The following NAV3 variants were observed in gnomAD, a reference collection of about 807,000 sequenced individuals.
NAV3 encodes pore membrane and/or filament interacting like protein 1.
A neutral mutation model predicts 244.7 loss-of-function variants in NAV3; 87 were observed. That is an observed-to-expected ratio of 0.36 (90% confidence interval 0.30 to 0.42). The LOEUF (loss-of-function observed/expected upper bound fraction) is 0.42, where lower values mean the gene tolerates loss of function less well. Among genes scored for constraint, NAV3 ranks in the 20% least tolerant of loss-of-function variants. NAV3 has a pLI of 1.00. For synonymous variants in NAV3, 1,126 were observed against 1,042.2 expected, an observed-to-expected ratio of 1.08 and a Z score of -1.55; for missense variants, 2,663 against 2,893.3, an observed-to-expected ratio of 0.92 and a Z score of 1.83.
At chr12:77,891,701 A>G (rs947870458) in intron 1 of NAV3, among the ~76,000 whole-genome samples, 1 of 152,224 alleles carries the variant, frequency 6.6e-6, no homozygotes, top group African/African-American at 2.4e-5. Flanking sequence ...TGAAGCTTAG[A>G]GAGTTTAAGG....
chr12:77,745,271 G>A (rs1446205843), intron 2 of NAV3, among the ~76,000 whole-genome samples: 1 of 151,816 alleles, frequency 6.6e-6, no homozygotes, highest in Non-Finnish European at 1.5e-5. Flanking sequence ...GTTTTCTTTT[G>A]TCATCTTATA....
chr12:77,885,188 T>A (rs978035105), intron 1 of NAV3, among the ~76,000 whole-genome samples: 1 of 152,134 alleles, frequency 6.6e-6, no homozygotes, highest in Non-Finnish European at 1.5e-5. Flanking sequence ...AATGTTAAAC[T>A]TTTTAGGAGT....
At chr12:77,830,651 C>T (rs1452865436), upstream of NAV3, among the ~76,000 whole-genome samples, 2 of 152,224 alleles carry the variant, frequency 1.3e-5, no homozygotes, top group Non-Finnish European at 2.9e-5. Context: ...GCTAGTTGCA[C>T]TATTGCATGA....
At chr12:78,139,920 T>C (rs147319339) in intron 19 of NAV3, among the ~76,000 whole-genome samples, 3 of 152,274 alleles carry the variant, frequency 2.0e-5, no homozygotes, top group East Asian at 1.9e-4. Flanking sequence ...ATAAGGTACA[T>C]ACATTTTTTA....
At chr12:77,908,268 A>G (rs1886209341) in intron 1 of NAV3, among the ~76,000 whole-genome samples, 1 of 152,102 alleles carries the variant, frequency 6.6e-6, no homozygotes, top group Non-Finnish European at 1.5e-5. Flanking sequence ...AACTCACTGT[A>G]TTGTAAATAT....
chr12:77,645,836 T>C (rs886248121), intron 2 of NAV3, among the ~76,000 whole-genome samples: 2 of 152,030 alleles, frequency 1.3e-5, no homozygotes, highest in Non-Finnish European at 2.9e-5. Context: ...AAAGCTCAGT[T>C]TTGAGGAGGA....
intron 3 of NAV3, among the ~76,000 whole-genome samples, chr12:77,944,610 T>C (rs574862860): frequency 1.3e-5 from 2 of 152,214 alleles, no homozygotes; most frequent in Admixed American, 1.3e-4. Flanking sequence ...CAGAAAAGAG[T>C]ATTGGTTAGA....
chr12:77,781,161 G>A (rs1038371477), intron 2 of NAV3, among the ~76,000 whole-genome samples: 3 of 152,110 alleles, frequency 2.0e-5, no homozygotes, highest in Non-Finnish European at 1.5e-5. Context: ...CCGTAAACCC[G>A]AAATAAGATT....
intron 2 of NAV3, among the ~76,000 whole-genome samples, chr12:77,784,544 C>T (rs1038665357): frequency 3.9e-5 from 6 of 152,056 alleles, no homozygotes; most frequent in Non-Finnish European, 7.4e-5. Flanking sequence ...TTGGGTAGGG[C>T]AGGGAAAAAT....
chr12:78,094,720 A>T (rs1349688201), intron 12 of NAV3, among the ~76,000 whole-genome samples: 1 of 152,158 alleles, frequency 6.6e-6, no homozygotes, highest in East Asian at 1.9e-4. Flanking sequence ...ATAATATCTA[A>T]CATTAGTTCC....
chr12:77,774,854 A>C (rs985262761), intron 2 of NAV3, among the ~76,000 whole-genome samples: 4 of 152,232 alleles, frequency 2.6e-5, no homozygotes, highest in African/African-American at 9.6e-5. Flanking sequence ...TGAATTCAAC[A>C]GTCTGTATAG....
At chr12:77,876,821 G>T (rs995494001) in intron 1 of NAV3, among the ~76,000 whole-genome samples, 4 of 151,996 alleles carry the variant, frequency 2.6e-5, no homozygotes, top group Non-Finnish European at 5.9e-5. Flanking sequence ...AGATTGGGCT[G>T]CTTACTTTAA....
intron 9 of NAV3, among the ~76,000 whole-genome samples, chr12:78,041,155 A>G (rs939690901): frequency 6.6e-6 from 1 of 152,178 alleles, no homozygotes; most frequent in Non-Finnish European, 1.5e-5. Flanking sequence ...AGGATTAGTG[A>G]TTGTGTGAAC....
intron 1 of NAV3, among the ~76,000 whole-genome samples, chr12:77,904,953 TA>T (rs4017094): frequency 0.023 from 3,443 of 148,558 alleles, 71 homozygotes; most frequent in Non-Finnish European, 0.032. Flanking sequence ...GTATCTTATT[TA>T]AAAAAAAAAA....
chr12:77,837,522 C>T (rs1247301588), intron 1 of NAV3, among the ~76,000 whole-genome samples: 1 of 152,078 alleles, frequency 6.6e-6, no homozygotes, highest in Non-Finnish European at 1.5e-5. Context: ...AATTATTATT[C>T]TTCCCGTTTT....
At chr12:78,116,519 C>G (rs1955387086) in intron 12 of NAV3, among the ~76,000 whole-genome samples, 1 of 152,066 alleles carries the variant, frequency 6.6e-6, no homozygotes, top group Non-Finnish European at 1.5e-5. Flanking sequence ...TTATTCATTC[C>G]ACACACATTC....
chr12:78,078,276 A>G (rs959897571), intron 12 of NAV3, among the ~76,000 whole-genome samples: 4 of 151,898 alleles, frequency 2.6e-5, no homozygotes, highest in African/African-American at 4.8e-5. Context: ...AAGGTACACA[A>G]TTCAACCGAT....
chr12:77,987,486 C>G (rs1239177071), intron 5 of NAV3, among the ~76,000 whole-genome samples: 2 of 152,146 alleles, frequency 1.3e-5, no homozygotes, highest in Non-Finnish European at 2.9e-5. Context: ...TAGTGTCTTT[C>G]TGTTCCCTCC....
intron 1 of NAV3, among the ~76,000 whole-genome samples, chr12:77,863,718 T>C (rs1176454814): frequency 7.1e-6 from 1 of 141,392 alleles, no homozygotes; most frequent in South Asian, 2.3e-4. Context: ...TTGAATTTCT[T>C]ACAATGAAAA....
Sources: allele counts gnomAD v4.1 joint callset (sites outside exome capture counted in the v4.1 genomes callset), GRCh38; gene constraint gnomAD v4.1.1; transcripts MANE v1.5; gene names NCBI Gene and HGNC (gene_info 2026-07-23, HGNC 2026-07-21).